Variants in POU2F3 observed in about 807,000 individuals in gnomAD.
POU2F3 encodes POU domain, class 2, transcription factor 3.
POU2F3 carries 23 observed loss-of-function variants against 59.2 expected under a neutral mutation model. The ratio of observed to expected loss-of-function variants is 0.39; its 90% confidence interval spans 0.28 to 0.55. The LOEUF (loss-of-function observed/expected upper bound fraction) is 0.55. Among genes scored for constraint, POU2F3 ranks in the 20% least tolerant of loss-of-function variants. POU2F3 has a pLI of 0.66. For missense variants in POU2F3, 473 were observed against 544.5 expected (o/e 0.87, Z 1.31); for synonymous variants, 190 against 214.6 (o/e 0.89, Z 1.00).
chr11:120,300,935 G>A, intron 5 of POU2F3: 1 of 438,684 alleles, frequency 2.3e-6, no homozygotes, highest in Non-Finnish European at 4.6e-6. Flanking sequence ...GAATATTATG[G>A]TGATGAATGA....
Position 120,250,962 on chromosome 11 carries a change from G to C in POU2F3, c.97+4445G>C, listed in dbSNP as rs550737275. Among the ~76,000 whole-genome samples, 12 of 151,280 alleles carry C rather than the reference G, an allele frequency of 7.9e-5. 1 individual carries two copies. In the South Asian group the frequency reaches 2.3e-3, roughly 29 times the overall value. ...ACTGCACTCCAGCCTGGGTGACAGA[G>C]CAAAACTCCGTCTCAAAAAAAAAAA... On this transcript the variant is annotated intron_variant, in intron 2 of 12. Transcript: ENST00000543440.
chr11:120,301,004 G>A, intron 5 of POU2F3: 1 of 455,588 alleles, frequency 2.2e-6, no homozygotes, highest in Non-Finnish European at 4.4e-6. Context: ...CATACTCCTG[G>A]AATGGAAAAG....
intron 1 of POU2F3, among the ~76,000 whole-genome samples, chr11:120,243,850 A>G (rs971196760): frequency 6.6e-6 from 1 of 152,224 alleles, no homozygotes; most frequent in African/African-American, 2.4e-5. Flanking sequence ...TGTTGATCCC[A>G]TAATGGATAC....
intron 6 of POU2F3, 49 bp from the exon 7 acceptor site, chr11:120,304,979 ATG>A: frequency 2.8e-6 from 3 of 1,076,500 alleles, no homozygotes; most frequent in Non-Finnish European, 4.0e-6. Flanking sequence ...AAATCAGAAA[ATG>A]TTATTTATTG....
chr11:120,240,423 G>T, intron 1 of POU2F3, 52 bp downstream of exon 1: 1 of 1,341,894 alleles, frequency 7.5e-7, no homozygotes. Flanking sequence ...CGTGGGCAGG[G>T]GTGAAGGAGA....
At chr11:120,307,143 C>G (rs901162724) in intron 8 of POU2F3, among the ~76,000 whole-genome samples, 1 of 152,238 alleles carries the variant, frequency 6.6e-6, no homozygotes, top group African/African-American at 2.4e-5. Context: ...CCAGTGCCCC[C>G]TTACACCCAC....
In POU2F3 at chr11:120,319,471, C is replaced by G. The variant is rs1481768838; in HGVS notation, c.*1079C>G. The stretch of plus-strand genomic sequence containing the variant: ...TTTTTTTTTTTTTTTTTGAGACAGT[C>G]TTGCTCCAGCCCAGGCTGGAGTGCA... On this transcript the variant is annotated 3_prime_UTR_variant, in exon 13 of 13. Transcript: ENST00000543440. 1 of 113,342 alleles carries G rather than the reference C, an allele frequency of 8.8e-6. No individual in the cohort carries two copies. Among genetic ancestry groups the G allele is most frequent in the Admixed American group, 1.1e-4 (1 of 8,710 alleles). 7.0% of individuals were successfully genotyped at this position (113,342 alleles called of 1,614,324 possible). A position where few individuals can be genotyped will look rare whatever the true frequency, so the allele number is the denominator to read the frequency against.
At chr11:120,241,818 C>T (rs1449078013) in intron 1 of POU2F3, among the ~76,000 whole-genome samples, 1 of 152,036 alleles carries the variant, frequency 6.6e-6, no homozygotes, top group Non-Finnish European at 1.5e-5. Flanking sequence ...GGGGGTGGGA[C>T]AGTTGGGACC....
chr11:120,236,855 C>G (rs1015849672), upstream of POU2F3: 2 of 724,860 alleles, frequency 2.8e-6, no homozygotes, highest in Non-Finnish European at 4.6e-6. Flanking sequence ...GCCTTCTAAG[C>G]CTCAGGGCAC....
chr11:120,305,533 A>G (rs1941462584), intron 7 of POU2F3, 111 bp from the exon 8 acceptor site: 3 of 1,454,440 alleles, frequency 2.1e-6, no homozygotes, highest in South Asian at 1.3e-5. Context: ...ATGGGTGAGC[A>G]CTCAAAGATT....
chr11:120,239,686 G>C (rs997103539), upstream of POU2F3, among the ~76,000 whole-genome samples: 3 of 152,228 alleles, frequency 2.0e-5, no homozygotes, highest in African/African-American at 7.2e-5. Flanking sequence ...TTTTACAGGT[G>C]AGTTAAATGA....
intron 2 of POU2F3, among the ~76,000 whole-genome samples, chr11:120,266,981 G>A (rs1167490602): frequency 6.6e-6 from 1 of 152,162 alleles, no homozygotes; most frequent in African/African-American, 2.4e-5. Context: ...TCAAGTCTTT[G>A]AACATTACTC....
At position 120,301,098 on chromosome 11, in the gene POU2F3, A is replaced by G. The variant is rs148100266; in HGVS notation, c.362-1188A>G. 2.8e-3 allele frequency: 1,292 copies of G among 455,988 alleles called. 12 individuals carry two copies. Among genetic ancestry groups the G allele is most frequent in the African/African-American group, 0.023 (1,140 of 50,206 alleles). 28.2% of individuals were successfully genotyped at this position (455,988 alleles called of 1,614,324 possible). On this transcript the variant is annotated intron_variant, in intron 5 of 12. Coordinates refer to ENST00000543440, the MANE Select transcript of POU2F3 (RefSeq NM_014352.4). Reference sequence around the variant, plus strand: ...GGCTTATAACCACCTAGGTCAGTGTATGATGCAGTGGTGGAAAGACACTTC... The same window carrying G: ...GGCTTATAACCACCTAGGTCAGTGTGTGATGCAGTGGTGGAAAGACACTTC...
rs1205660654 is a variant in POU2F3, at chr11:120,318,890, G to A, written c.*498G>A. ...AATCTGATATCTCCACCAAAGCCTTGATGTTTTCTCTGTACAGCTAAGTTT... is the reference window on the plus strand; with the variant it reads ...AATCTGATATCTCCACCAAAGCCTTAATGTTTTCTCTGTACAGCTAAGTTT... On this transcript the variant is annotated 3_prime_UTR_variant, in exon 13 of 13. Transcript: ENST00000543440. The A allele has an allele frequency of 6.5e-6, 1 of 153,496 alleles. No individual in the cohort carries two copies. The highest frequency in any genetic ancestry group is 1.9e-4 in the East Asian group (1 of 5,230). 9.5% of individuals were successfully genotyped at this position (153,496 alleles called of 1,614,324 possible).
At chr11:120,292,483 C>T (rs1941057158) in intron 3 of POU2F3, among the ~76,000 whole-genome samples, 1 of 152,202 alleles carries the variant, frequency 6.6e-6, no homozygotes, top group African/African-American at 2.4e-5. Context: ...GCATTTCTTC[C>T]CGCCTCCCAC....
In POU2F3 at chr11:120,319,444, CTTTTT is replaced by C. The variant is rs1161373592; in HGVS notation, c.*1066_*1070del. The C allele has an allele frequency of 1.7e-5, 2 of 117,856 alleles. No homozygotes were observed. The highest frequency in any genetic ancestry group is 3.5e-5 in the Non-Finnish European group (2 of 57,900). 7.3% of individuals were successfully genotyped at this position (117,856 alleles called of 1,614,324 possible). A position where few individuals can be genotyped will look rare whatever the true frequency, so the allele number is the denominator to read the frequency against. On this transcript the variant is annotated 3_prime_UTR_variant, in exon 13 of 13. Transcript: ENST00000543440. The stretch of plus-strand genomic sequence containing the variant: ...TGGGCTGGGATTTTTTTTTCTTTTT[CTTTTT>C]TTTTTTTTTTTTTGAGACAGTCTTG...
In POU2F3 at chr11:120,315,002, G is replaced by GT. The variant is rs1264997024; in HGVS notation, c.1069-358dup. Among the ~76,000 whole-genome samples, 4 of 152,258 alleles carry GT rather than the reference G, an allele frequency of 2.6e-5. 1 individual carries two copies. Among genetic ancestry groups the GT allele is most frequent in the Admixed American group, 2.6e-4 (4 of 15,286 alleles). Reference sequence around the variant, plus strand: ...ACCAGAAAATGACAGGCAACCAGCAGTATCTGCCACAGCAGGGCCCAAGAG... The same window carrying GT: ...ACCAGAAAATGACAGGCAACCAGCAGTTATCTGCCACAGCAGGGCCCAAGAG... On this transcript the variant is annotated intron_variant, in intron 10 of 12. Coordinates refer to ENST00000543440, the MANE Select transcript of POU2F3 (RefSeq NM_014352.4).
intron 10 of POU2F3, among the ~76,000 whole-genome samples, chr11:120,311,675 T>C (rs1276820426): frequency 6.6e-6 from 1 of 152,156 alleles, no homozygotes; most frequent in African/African-American, 2.4e-5. Context: ...TGTGGGAATG[T>C]CCTTGGGCAC....
At chr11:120,298,037 C>T (rs1253138080) in intron 3 of POU2F3, among the ~76,000 whole-genome samples, 1 of 151,474 alleles carries the variant, frequency 6.6e-6, no homozygotes, top group Non-Finnish European at 1.5e-5. Flanking sequence ...ACTCACTACA[C>T]TATCGTTTTT....
Sources: allele counts gnomAD v4.1 joint callset (sites outside exome capture counted in the v4.1 genomes callset), GRCh38; gene constraint gnomAD v4.1.1; transcripts MANE v1.5; gene names NCBI Gene and HGNC (gene_info 2026-07-23, HGNC 2026-07-21).